CADPS: variants seen among roughly 807,000 people sequenced by gnomAD.
CADPS encodes the protein calcium-dependent secretion activator 1.
A neutral mutation model predicts 167.3 loss-of-function variants in CADPS; 57 were observed. The observed-to-expected ratio is 0.34, with a 90% CI of 0.28 to 0.42. The LOEUF (loss-of-function observed/expected upper bound fraction) is 0.42, where lower values mean the gene tolerates loss of function less well. Ranked by LOEUF, CADPS falls within the 20% of genes least tolerant of loss-of-function variation. The pLI, the probability that CADPS is intolerant of heterozygous loss-of-function variation, is 1.00. For missense variants in CADPS, 1,414 were observed against 1,738.1 expected (o/e 0.81, Z 3.32); for synonymous variants, 676 against 635.3 (o/e 1.06, Z -0.96).
intron 3 of CADPS, among the ~76,000 whole-genome samples, chr3:62,729,439 G>T (rs1191566397): frequency 6.6e-6 from 1 of 151,810 alleles, no homozygotes; most frequent in Non-Finnish European, 1.5e-5. Context: ...GCCCCATAAT[G>T]AGAGAAGGTG....
chr3:62,758,360 A>T (rs2084521134), intron 2 of CADPS, among the ~76,000 whole-genome samples: 1 of 152,196 alleles, frequency 6.6e-6, no homozygotes, highest in South Asian at 2.1e-4. Context: ...AAAGAGGCCA[A>T]AGACTGGGGA....
chr3:62,458,487 C>A lies in CADPS; in HGVS notation c.3636+6880G>T, dbSNP rs1227874548. 2.0e-5 allele frequency among the ~76,000 whole-genome samples: 3 copies of A among 149,846 alleles called. No homozygotes were observed. The highest frequency in any genetic ancestry group is 4.4e-5 in the Non-Finnish European group (3 of 67,936). On this transcript the variant is annotated intron_variant, in intron 26 of 29. Transcript: ENST00000383710. The surrounding 1 kb of genome is among the most constrained non-coding windows in gnomAD (Gnocchi z 4.6). The stretch of plus-strand genomic sequence containing the variant: ...CCATGTACCTATTCATTAGGTATTT[C>A]TTTTTTCTTTTTCTTTTTTGAGACG...
At position 62,585,208 on chromosome 3, in the gene CADPS, C is replaced by T. The variant is rs775084364; in HGVS notation, c.1554G>A (p.Lys518=). 1.9e-6 allele frequency: 3 copies of T among 1,613,966 alleles called. No individual in the cohort carries two copies. Among genetic ancestry groups the T allele is most frequent in the Non-Finnish European group, 2.5e-6 (3 of 1,179,906 alleles). ...ACCCAGAATGCTTCATGTTTTGAGG[C>T]TTATCCATTCGGACAGCAAGTTTGA... is the stretch of plus-strand genomic sequence containing the variant. ...LKIKLAVRMD[K]PQNMKHSGYL... Residue 518 remains lysine (K), a synonymous_variant, in exon 8 of 30, where the codon AAG becomes AAA. Transcript: ENST00000383710.
intron 3 of CADPS, among the ~76,000 whole-genome samples, chr3:62,667,536 A>C (rs2074686841): frequency 6.6e-6 from 1 of 152,022 alleles, no homozygotes. Flanking sequence ...TATTCTAGGG[A>C]ATATCAGTCC....
At position 62,664,033 on chromosome 3, in the gene CADPS, G is replaced by A. The variant is rs529773743; in HGVS notation, c.889-1639C>T. Among the ~76,000 whole-genome samples the A allele has an allele frequency of 5.3e-5, 8 of 152,196 alleles. No individual in the cohort carries two copies. The East Asian group carries it at 1.5e-3, about 29-fold the overall frequency. On this transcript the variant is annotated intron_variant, in intron 3 of 29. Coordinates refer to ENST00000383710, the MANE Select transcript of CADPS (RefSeq NM_003716.4). ...ATTTATTTTTTTTCCCCCGAGATGA[G>A]GTCTTGCTGTCTTGCCCAGGCCGGA...
chr3:62,513,021 A>AACAT (rs1429470817), intron 16 of CADPS, among the ~76,000 whole-genome samples: 1 of 152,162 alleles, frequency 6.6e-6, no homozygotes, highest in East Asian at 1.9e-4. Context: ...CAAGCTATGA[A>AACAT]ACATACATGA....
intron 3 of CADPS, among the ~76,000 whole-genome samples, chr3:62,662,602 A>T (rs2073514504): frequency 6.6e-6 from 1 of 152,230 alleles, no homozygotes; most frequent in Non-Finnish European, 1.5e-5. Context: ...CTGCTAAGAC[A>T]GGCATTTGAA....
At position 62,544,084 on chromosome 3, in the gene CADPS, C is replaced by T. The variant is rs928659188; in HGVS notation, c.1966+5819G>A. On this transcript the variant is annotated intron_variant, in intron 11 of 29. Transcript: ENST00000383710. This position sits in a 1 kb window ranked among gnomAD's most constrained non-coding sequence, Gnocchi z 4.4. ...CTTGATACCAAGGTTAATACCTTGG[C>T]ATTGTAAGACTGTGAATCCAAAGCA... Among the ~76,000 whole-genome samples, 3 of 151,934 alleles carry T rather than the reference C, an allele frequency of 2.0e-5. No individual in the cohort carries two copies. The highest frequency in any genetic ancestry group is 7.3e-5 in the African/African-American group (3 of 41,374).
At chr3:62,533,184 A>G in intron 12 of CADPS, 126 bp from the exon 13 acceptor site, 1 of 738,910 alleles carries the variant, frequency 1.4e-6, no homozygotes, top group East Asian at 2.7e-5. Context: ...TTGATTGCCT[A>G]TTATGTGCCA....
At chr3:62,501,702 G>A (rs2065795777) in intron 17 of CADPS, among the ~76,000 whole-genome samples, 1 of 152,088 alleles carries the variant, frequency 6.6e-6, no homozygotes, top group Admixed American at 6.6e-5. Context: ...TATGACATAG[G>A]ATAAATAAAT....
At chr3:62,532,717 TTGTGTGTGTGTGTG>T (rs10586016) in intron 13 of CADPS, among the ~76,000 whole-genome samples, 140 bp downstream of exon 13, 3 of 148,802 alleles carry the variant, frequency 2.0e-5, no homozygotes, top group Admixed American at 6.7e-5. Flanking sequence ...TTAGTGCCCT[TTGTGTGTGTGTGTG>T]TGTGTGTGTG....
intron 3 of CADPS, among the ~76,000 whole-genome samples, chr3:62,708,369 AT>A (rs940267621): frequency 6.2e-4 from 94 of 152,192 alleles, no homozygotes; most frequent in African/African-American, 2.1e-3. Flanking sequence ...GTGGATATAT[AT>A]TTTAGTACAT....
rs2079585338 is a variant in CADPS at position 62,563,712 on chromosome 3, T to C, written c.1645-6199A>G. On this transcript the variant is annotated intron_variant, in intron 9 of 29. Coordinates refer to ENST00000383710, the MANE Select transcript of CADPS (RefSeq NM_003716.4). Reference sequence around the variant, plus strand: ...TCTCTTCCCACCCTTTCCCCCTGAGTCCCCAAAGTCCATCGTATTATTGTT... The same window carrying C: ...TCTCTTCCCACCCTTTCCCCCTGAGCCCCCAAAGTCCATCGTATTATTGTT... Among the ~76,000 whole-genome samples, 2 of 151,932 alleles carry C rather than the reference T, an allele frequency of 1.3e-5. 1 individual carries two copies. Among genetic ancestry groups the C allele is most frequent in the South Asian group, 4.2e-4 (2 of 4,788 alleles).
At chr3:62,436,997 AAC>A (rs1383657271) in intron 28 of CADPS, among the ~76,000 whole-genome samples, 1 of 151,950 alleles carries the variant, frequency 6.6e-6, no homozygotes, top group Non-Finnish European at 1.5e-5. Context: ...GTGGAACAAA[AAC>A]ACACACACAT....
At chr3:62,599,294 C>T (rs1306106565) in intron 6 of CADPS, among the ~76,000 whole-genome samples, 1 of 151,346 alleles carries the variant, frequency 6.6e-6, no homozygotes, top group Non-Finnish European at 1.5e-5. Flanking sequence ...CACTGTATGA[C>T]TAGCTTACAT....
At chr3:62,787,692 GA>G (rs1263147599) in intron 1 of CADPS, among the ~76,000 whole-genome samples, 1 of 152,168 alleles carries the variant, frequency 6.6e-6, no homozygotes, top group African/African-American at 2.4e-5. Context: ...TTTGGAATCA[GA>G]CTGCTTAAGT....
At chr3:62,582,085 T>C (rs2083535627) in intron 8 of CADPS, among the ~76,000 whole-genome samples, 1 of 152,250 alleles carries the variant, frequency 6.6e-6, no homozygotes, top group Non-Finnish European at 1.5e-5. Context: ...GTGATTCTTA[T>C]GTTCCTTTTA....
At chr3:62,644,668 C>T (rs1480842770) in intron 6 of CADPS, among the ~76,000 whole-genome samples, 3 of 152,294 alleles carry the variant, frequency 2.0e-5, no homozygotes, top group Admixed American at 1.3e-4. Context: ...TTCTCCTTGC[C>T]CAGGGCCTTT....
chr3:62,731,075 GGA>G (rs2077681993), intron 3 of CADPS, among the ~76,000 whole-genome samples: 3 of 152,240 alleles, frequency 2.0e-5, no homozygotes. Context: ...ATGTTGGAGA[GGA>G]GAGAGGTCTT....
Sources: gnomAD v4.1 joint callset for allele counts (sites outside exome capture counted in the v4.1 genomes callset) on GRCh38, gnomAD v4.1.1 for gene constraint, Gnocchi (gnomAD v3.1) non-coding constraint, MANE v1.5 for transcripts, NCBI Gene and HGNC (gene_info 2026-07-23, HGNC 2026-07-21) for gene names.